The following FRMD4B variants were observed in gnomAD, a reference collection of about 807,000 sequenced individuals.
The protein encoded by FRMD4B is FERM domain containing 4B.
A neutral mutation model predicts 141.5 loss-of-function variants in FRMD4B; 74 were observed. The ratio of observed to expected loss-of-function variants is 0.52; its 90% CI spans 0.43 to 0.63. The LOEUF is 0.63. Among genes scored for constraint, FRMD4B ranks in the 30% least tolerant of loss-of-function variants. FRMD4B has a pLI of 0.00. For missense variants in FRMD4B, 1,366 were observed against 1,253.4 expected, an observed-to-expected ratio of 1.09 and a Z score of -1.36; for synonymous variants, 506 against 467.9, an observed-to-expected ratio of 1.08 and a Z score of -1.05.
intron 1 of FRMD4B, among the ~76,000 whole-genome samples, chr3:69,540,613 TAAA>T (rs1157655761): frequency 5.1e-3 from 71 of 13,996 alleles, no homozygotes; most frequent in African/African-American, 0.02. Flanking sequence ...ACTCTGTCTC[TAAA>T]AAAAAAAAAA....
chr3:69,224,185 T>C (rs1446390563), intron 8 of FRMD4B, among the ~76,000 whole-genome samples: 1 of 152,198 alleles, frequency 6.6e-6, no homozygotes, highest in Non-Finnish European at 1.5e-5. Context: ...ATATATACAA[T>C]ATCTAGCTGT....
chr3:69,437,488 T>C (rs1461003995), intron 1 of FRMD4B, among the ~76,000 whole-genome samples: 1 of 146,526 alleles, frequency 6.8e-6, no homozygotes, highest in Non-Finnish European at 1.5e-5. Context: ...CTATTCATAG[T>C]ATTATACATA....
At chr3:69,212,305 A>C (rs2093090005) in intron 11 of FRMD4B, among the ~76,000 whole-genome samples, 1 of 145,772 alleles carries the variant, frequency 6.9e-6, no homozygotes, top group Admixed American at 6.9e-5. Flanking sequence ...GGTTGCAGTG[A>C]GCCAAGATCG....
intron 5 of FRMD4B, among the ~76,000 whole-genome samples, chr3:69,260,473 C>T (rs111426932): frequency 3.4e-4 from 52 of 152,358 alleles, no homozygotes; most frequent in African/African-American, 1.2e-3. Context: ...CCACCTGCGT[C>T]GCGCTCGAAT....
chr3:69,527,493 C>T (rs1700945810), intron 1 of FRMD4B, among the ~76,000 whole-genome samples: 1 of 152,100 alleles, frequency 6.6e-6, no homozygotes, highest in African/African-American at 2.4e-5. Context: ...GAGGCAAAGA[C>T]CAAAAGGAAA....
chr3:69,316,717 AT>A (rs1701814352), intron 1 of FRMD4B, among the ~76,000 whole-genome samples: 1 of 152,244 alleles, frequency 6.6e-6, no homozygotes, highest in South Asian at 2.1e-4. Flanking sequence ...ATATAAAAAA[AT>A]AATGCTCAAA....
At chr3:69,336,309 A>C (rs891083068) in intron 1 of FRMD4B, among the ~76,000 whole-genome samples, 8 of 152,190 alleles carry the variant, frequency 5.3e-5, no homozygotes, top group African/African-American at 1.9e-4. Flanking sequence ...GGCACCCGGC[A>C]ATCTGTGTGT....
At chr3:69,422,743 A>C (rs2106812952) in intron 2 of FRMD4B, among the ~76,000 whole-genome samples, 1 of 152,286 alleles carries the variant, frequency 6.6e-6, no homozygotes, top group South Asian at 2.1e-4. Flanking sequence ...ATTTTGTATA[A>C]GTTTCATGTG....
At chr3:69,475,935 T>C (rs1479048997) in intron 1 of FRMD4B, among the ~76,000 whole-genome samples, 1 of 151,854 alleles carries the variant, frequency 6.6e-6, no homozygotes, top group African/African-American at 2.4e-5. Flanking sequence ...GTGGTTTTGA[T>C]TTGCATTTCT....
intron 2 of FRMD4B, among the ~76,000 whole-genome samples, chr3:69,401,787 G>A (rs779638674): frequency 2.0e-5 from 3 of 152,222 alleles, no homozygotes; most frequent in South Asian, 2.1e-4. Context: ...GGACTCAAGC[G>A]ATCTGCCTGC....
At chr3:69,240,926 C>T (rs1477854674) in intron 7 of FRMD4B, among the ~76,000 whole-genome samples, 1 of 152,198 alleles carries the variant, frequency 6.6e-6, no homozygotes, top group Non-Finnish European at 1.5e-5. Context: ...ATGCTACTTT[C>T]TATTCCTACC....
intron 7 of FRMD4B, among the ~76,000 whole-genome samples, chr3:69,233,123 G>A (rs540981612): frequency 3.4e-4 from 51 of 151,940 alleles, no homozygotes; most frequent in Middle Eastern, 3.4e-3. Flanking sequence ...CATAAAAAAT[G>A]TATATTAAAT....
intron 2 of FRMD4B, among the ~76,000 whole-genome samples, chr3:69,402,856 G>A (rs1704589796): frequency 6.6e-6 from 1 of 152,160 alleles, no homozygotes; most frequent in African/African-American, 2.4e-5. Flanking sequence ...AGGAATCAAT[G>A]AGATATACAT....
intron 7 of FRMD4B, among the ~76,000 whole-genome samples, chr3:69,246,208 C>T (rs554000707): frequency 5.3e-5 from 8 of 152,062 alleles, no homozygotes; most frequent in South Asian, 2.1e-4. Context: ...GTAATCTCGG[C>T]GCTTTGGGAG....
chr3:69,253,104 GT>G (rs1444888416), intron 5 of FRMD4B, among the ~76,000 whole-genome samples: 2 of 151,206 alleles, frequency 1.3e-5, no homozygotes, highest in African/African-American at 4.9e-5. Context: ...TGAATTCTAG[GT>G]TTTGATTACC....
chr3:69,235,003 A>G (rs1306625291), intron 7 of FRMD4B, among the ~76,000 whole-genome samples: 3 of 151,558 alleles, frequency 2.0e-5, no homozygotes, highest in Non-Finnish European at 4.4e-5. Context: ...ACAAAAAATT[A>G]GCCGGGTGTG....
rs543092302 is a variant in FRMD4B, at chr3:69,250,726, CT to C, written c.502-628del. On this transcript the variant is annotated intron_variant, in intron 5 of 22. Coordinates refer to ENST00000398540, the MANE Select transcript of FRMD4B (RefSeq NM_015123.3). ...GAGGAACTCTAATTTATCAGTTTTC[CT>C]TTTTTTTTTTTTTTTTTATCATTCA... Among the ~76,000 whole-genome samples the C allele has an allele frequency of 8.7e-3, 1,175 of 134,352 alleles. 4 individuals carry two copies. The highest frequency in any genetic ancestry group is 0.019 in the Middle Eastern group (5 of 260). The allele number at this position is 134,352 out of a possible 152,430, so 88.1% of individuals were successfully genotyped here.
chr3:69,417,408 C>T (rs1396659437), intron 2 of FRMD4B, among the ~76,000 whole-genome samples: 1 of 151,882 alleles, frequency 6.6e-6, no homozygotes, highest in Admixed American at 6.6e-5. Flanking sequence ...TTGTTTTTAT[C>T]TTGTAAATTT....
rs1014345462 is a variant in FRMD4B at position 69,183,901 on chromosome 3, A to G, written c.1920-1184T>C. Among the ~76,000 whole-genome samples, 9 of 152,082 alleles carry G rather than the reference A, an allele frequency of 5.9e-5. 1 individual carries two copies. The South Asian group carries it at 1.4e-3, about 24-fold the overall frequency. On this transcript the variant is annotated intron_variant, in intron 19 of 22. Coordinates refer to ENST00000398540, the MANE Select transcript of FRMD4B (RefSeq NM_015123.3). ...GATAAAAAGAAAAATTTAAATGTCT[A>G]TAATCTTTTTTTTAGATGGAGTCTC...
Sources: gnomAD v4.1 joint callset for allele counts (sites outside exome capture counted in the v4.1 genomes callset) on GRCh38, gnomAD v4.1.1 for gene constraint, MANE v1.5 for transcripts, NCBI Gene and HGNC (gene_info 2026-07-23, HGNC 2026-07-21) for gene names.